Variants in DNM3 observed in about 807,000 individuals in gnomAD.
DNM3 encodes dynamin 3.
A neutral mutation model predicts 101.6 loss-of-function variants in DNM3; 47 were observed. The observed-to-expected ratio is 0.46, with a 90% CI of 0.37 to 0.59. DNM3 has a LOEUF of 0.59. Among genes scored for constraint, DNM3 ranks in the 20% least tolerant of loss-of-function variants. DNM3 has a pLI of 0.00. For missense variants in DNM3, 849 were observed against 1,085.7 expected (o/e 0.78, Z 3.06); for synonymous variants, 385 against 387.9 (o/e 0.99, Z 0.09).
intron 14 of DNM3, among the ~76,000 whole-genome samples, chr1:172,223,819 G>A (rs577514506): frequency 6.6e-6 from 1 of 152,128 alleles, no homozygotes; most frequent in Non-Finnish European, 1.5e-5. Flanking sequence ...CATTCTGTAA[G>A]TCTTCTCTAA....
At position 172,068,855 on chromosome 1, in the gene DNM3, A is replaced by G. The variant is rs775472297; in HGVS notation, c.1372A>G (p.Arg458Gly). The G allele has an allele frequency of 8.2e-6, 13 of 1,575,940 alleles. No homozygotes were observed. In the South Asian group the frequency reaches 1.4e-4, roughly 17 times the overall value. The change falls in exon 11 of 21, where the codon AGG becomes GGG. Residue 458 changes from arginine (R) to glycine (G), a missense_variant. By Grantham distance (125) the Arg-to-Gly change is moderately radical (BLOSUM62 -2). Coordinates refer to ENST00000627582, the MANE Select transcript of DNM3 (RefSeq NM_015569.5). ...NFPRLCEETE[R>G]IVANHIRERE... ...CCCCAGACTCTGCGAGGAAACGGAA[A>G]GGATTGTTGCTAACCACATTCGTGA...
Position 172,038,299 on chromosome 1 carries a change from T to C in DNM3, c.850-20T>C, listed in dbSNP as rs754655032. 1.6e-5 allele frequency: 25 copies of C among 1,612,740 alleles called. No homozygotes were observed. Among genetic ancestry groups the C allele is most frequent in the Admixed American group, 8.4e-5 (5 of 59,838 alleles). On this transcript the variant is annotated intron_variant, in intron 6 of 20. Transcript: ENST00000627582. ...TATGATTCAATCTTCAATCTGTGTG[T>C]ATCATTTTGTTTTGTTTAGCAACTT...
chr1:172,100,014 C>G (rs1470674708), intron 13 of DNM3, among the ~76,000 whole-genome samples: 1 of 152,030 alleles, frequency 6.6e-6, no homozygotes, highest in Non-Finnish European at 1.5e-5. Flanking sequence ...CTCCTTGGCC[C>G]GAGAATGTAT....
intron 15 of DNM3, among the ~76,000 whole-genome samples, chr1:172,270,628 A>G (rs541288024): frequency 6.4e-4 from 97 of 152,334 alleles, no homozygotes; most frequent in African/African-American, 2.2e-3. Flanking sequence ...TTTAATTAAC[A>G]CACAGCCTCA....
rs1485386203 is a variant in DNM3 at position 172,253,553 on chromosome 1, C to T, written c.1660-20C>T. The T allele has an allele frequency of 7.0e-7, 1 of 1,421,226 alleles. No homozygotes were observed. 88.0% of individuals were successfully genotyped at this position (1,421,226 alleles called of 1,614,324 possible). A position where few individuals can be genotyped will look rare whatever the true frequency, so the allele number is the denominator to read the frequency against. On this transcript the variant is annotated intron_variant, in intron 14 of 20. Coordinates refer to ENST00000627582, the MANE Select transcript of DNM3 (RefSeq NM_015569.5). The stretch of plus-strand genomic sequence containing the variant: ...TCCTCTCCTCTCCTCTCCCTCTTTT[C>T]TTTCTCTCTCTTATAATAGGAAAAA...
At chr1:172,010,021 C>T (rs1367657443) in intron 4 of DNM3, among the ~76,000 whole-genome samples, 2 of 151,756 alleles carry the variant, frequency 1.3e-5, no homozygotes, top group African/African-American at 4.8e-5. Context: ...AAAAATGAAA[C>T]TTTCAATCTC....
chr1:172,139,137 A>G (rs866444552), intron 14 of DNM3: 1 of 313,314 alleles, frequency 3.2e-6, no homozygotes. Context: ...GAAAACTCAC[A>G]TTAAAATTTT....
intron 15 of DNM3, among the ~76,000 whole-genome samples, chr1:172,294,472 C>A (rs1190449381): frequency 6.6e-6 from 1 of 152,124 alleles, no homozygotes; most frequent in Admixed American, 6.6e-5. Flanking sequence ...TTGGGGTAGA[C>A]CCAGATTATG....
At chr1:172,379,379 A>C (rs1184547949) in intron 18 of DNM3, among the ~76,000 whole-genome samples, 197 bp downstream of exon 18, 1 of 152,054 alleles carries the variant, frequency 6.6e-6, no homozygotes, top group Admixed American at 6.6e-5. Flanking sequence ...ACTTCTAGCT[A>C]TAGGACTGAG....
At chr1:171,893,000 C>A (rs1230433593) in intron 1 of DNM3, among the ~76,000 whole-genome samples, 1 of 151,922 alleles carries the variant, frequency 6.6e-6, no homozygotes, top group Non-Finnish European at 1.5e-5. Flanking sequence ...TGGTCTGTGG[C>A]GCAAGAGTTG....
chr1:172,216,064 A>G (rs538176765), intron 14 of DNM3, among the ~76,000 whole-genome samples: 32 of 151,932 alleles, frequency 2.1e-4, no homozygotes, highest in Admixed American at 1.3e-3. Flanking sequence ...CTGCAGACAT[A>G]TATTTTTCAA....
downstream of DNM3, among the ~76,000 whole-genome samples, chr1:172,413,120 G>T (rs1041362555): frequency 6.6e-6 from 1 of 152,146 alleles, no homozygotes; most frequent in African/African-American, 2.4e-5. Flanking sequence ...TCCACAGAAG[G>T]CATTTCTTAT....
At chr1:172,260,140 A>T (rs923130545) in intron 15 of DNM3, among the ~76,000 whole-genome samples, 1 of 152,102 alleles carries the variant, frequency 6.6e-6, no homozygotes, top group East Asian at 1.9e-4. Flanking sequence ...CACTGTGAAG[A>T]TATCATCCCA....
At chr1:171,897,503 G>C (rs984246268) in intron 1 of DNM3, among the ~76,000 whole-genome samples, 12 of 152,302 alleles carry the variant, frequency 7.9e-5, no homozygotes, top group Admixed American at 7.2e-4. Context: ...TCAGGGATTT[G>C]ACAGTAGTGA....
chr1:171,891,640 T>C (rs957538078), intron 1 of DNM3, among the ~76,000 whole-genome samples: 1 of 152,164 alleles, frequency 6.6e-6, no homozygotes, highest in Non-Finnish European at 1.5e-5. Context: ...ACCTTGACAG[T>C]TTTGAGGAGT....
chr1:171,920,338 G>A (rs1021601480), intron 1 of DNM3, among the ~76,000 whole-genome samples: 1 of 152,122 alleles, frequency 6.6e-6, no homozygotes, highest in South Asian at 2.1e-4. Flanking sequence ...CTCATAGCAC[G>A]CCACATGCCA....
chr1:172,342,558 GA>G (rs2066737577), intron 17 of DNM3, among the ~76,000 whole-genome samples: 1 of 152,128 alleles, frequency 6.6e-6, no homozygotes, highest in African/African-American at 2.4e-5. Context: ...GTCAAATAAT[GA>G]GAACAAGTGA....
At chr1:172,222,972 T>C (rs997008765) in intron 14 of DNM3, among the ~76,000 whole-genome samples, 1 of 152,154 alleles carries the variant, frequency 6.6e-6, no homozygotes, top group African/African-American at 2.4e-5. Context: ...TAGTTGTATA[T>C]ACTATGGGGT....
At chr1:172,091,336 T>C (rs1448323566) in intron 12 of DNM3, among the ~76,000 whole-genome samples, 1 of 151,794 alleles carries the variant, frequency 6.6e-6, no homozygotes, top group Non-Finnish European at 1.5e-5. Flanking sequence ...CACCGTGTAG[T>C]GTATCGGAAG....
Sources: gnomAD v4.1 joint callset for allele counts (sites outside exome capture counted in the v4.1 genomes callset) on GRCh38, gnomAD v4.1.1 for gene constraint, MANE v1.5 for transcripts, NCBI Gene and HGNC (gene_info 2026-07-23, HGNC 2026-07-21) for gene names.